Variants in HTR7 observed in about 807,000 individuals in gnomAD.
The protein encoded by HTR7 is 5-hydroxytryptamine receptor 7.
Under a neutral mutation model 34.0 loss-of-function variants are expected in HTR7, and 16 were observed. That is an observed-to-expected ratio of 0.47 (90% CI 0.32 to 0.71). The LOEUF is 0.71. Among genes scored for constraint, HTR7 ranks in the 30% least tolerant of loss-of-function variants. The pLI is 0.04. For missense variants in HTR7, 504 were observed against 625.5 expected (o/e 0.81, Z 2.07); for synonymous variants, 265 against 260.2 (o/e 1.02, Z -0.18).
chr10:90,778,071 A>G (rs777067330), intron 1 of HTR7, among the ~76,000 whole-genome samples: 3 of 152,204 alleles, frequency 2.0e-5, no homozygotes, highest in Non-Finnish European at 4.4e-5. Context: ...TCCAAAGGAC[A>G]AGGATGTTGA....
intron 1 of HTR7, among the ~76,000 whole-genome samples, chr10:90,787,991 C>T (rs778177913): frequency 5.3e-5 from 8 of 152,036 alleles, no homozygotes; most frequent in Non-Finnish European, 4.4e-5. Context: ...CCTGTAGGGT[C>T]CGGTTCGTAA....
At chr10:90,844,841 T>G (rs1011813180) in intron 1 of HTR7, among the ~76,000 whole-genome samples, 3 of 147,832 alleles carry the variant, frequency 2.0e-5, no homozygotes, top group Admixed American at 6.8e-5. Flanking sequence ...TATACTGATG[T>G]GACGCCCAGG....
chr10:90,824,187 C>G (rs1367509454), intron 1 of HTR7, among the ~76,000 whole-genome samples: 1 of 152,228 alleles, frequency 6.6e-6, no homozygotes, highest in Admixed American at 6.5e-5. Flanking sequence ...AGCTGAGCCA[C>G]AACAGGATAG....
intron 1 of HTR7, among the ~76,000 whole-genome samples, chr10:90,810,572 A>G (rs1376350075): frequency 1.3e-5 from 2 of 152,212 alleles, no homozygotes; most frequent in Admixed American, 6.5e-5. Context: ...TCTGTGCCTT[A>G]TCAACCAAAT....
intron 1 of HTR7, among the ~76,000 whole-genome samples, chr10:90,784,294 T>G (rs1303802176): frequency 6.6e-6 from 1 of 152,198 alleles, no homozygotes; most frequent in Non-Finnish European, 1.5e-5. Context: ...TCTCTGAAGC[T>G]CAAGTATTGG....
chr10:90,754,670 T>C (rs1844805523), intron 1 of HTR7, among the ~76,000 whole-genome samples: 1 of 152,202 alleles, frequency 6.6e-6, no homozygotes, highest in Non-Finnish European at 1.5e-5. Context: ...TAGGGAGTTA[T>C]AATCTGCATA....
chr10:90,792,400 A>G (rs965812934), intron 1 of HTR7, among the ~76,000 whole-genome samples: 38 of 151,974 alleles, frequency 2.5e-4, no homozygotes, highest in Admixed American at 1.3e-4. Context: ...TTTTGGCTGC[A>G]GCTATACCAG....
At chr10:90,838,453 G>A (rs2120079191) in intron 1 of HTR7, among the ~76,000 whole-genome samples, 1 of 152,222 alleles carries the variant, frequency 6.6e-6, no homozygotes, top group Admixed American at 6.5e-5. Context: ...GACTAACGTA[G>A]AAGCCTTCCC....
chr10:90,828,224 A>G (rs1234107108), intron 1 of HTR7, among the ~76,000 whole-genome samples: 1 of 152,220 alleles, frequency 6.6e-6, no homozygotes, highest in Non-Finnish European at 1.5e-5. Flanking sequence ...GTAATAAGAG[A>G]GAAGTTTATA....
rs1455093164 is a variant in HTR7 at position 90,809,400 on chromosome 10, T to G, written c.539+47733A>C. On this transcript the variant is annotated intron_variant, in intron 1 of 3. Coordinates refer to ENST00000336152, the MANE Select transcript of HTR7 (RefSeq NM_019859.4). ...ACTCGTTTGGCAGCAACCCTGAGAC[T>G]CTTTACAGCCCTAGACCCTAAAACA... Among the ~76,000 whole-genome samples, 5 of 152,194 alleles carry G rather than the reference T, an allele frequency of 3.3e-5. No individual in the cohort carries two copies. The South Asian group carries it at 1.0e-3, about 32-fold the overall frequency.
chr10:90,774,998 A>T (rs7091039), intron 1 of HTR7, among the ~76,000 whole-genome samples: 35,042 of 152,154 alleles, frequency 0.23, 4,282 homozygotes, highest in African/African-American at 0.31. Flanking sequence ...GACTGCCTAA[A>T]GAAAATAAAG....
chr10:90,819,262 T>C (rs907063436), intron 1 of HTR7, among the ~76,000 whole-genome samples: 3 of 152,222 alleles, frequency 2.0e-5, no homozygotes, highest in Non-Finnish European at 4.4e-5. Flanking sequence ...TACTTATCTA[T>C]ACCCACTTAC....
intron 1 of HTR7, among the ~76,000 whole-genome samples, chr10:90,822,738 TG>T (rs1325013238): frequency 7.9e-5 from 12 of 152,164 alleles, no homozygotes; most frequent in Admixed American, 7.9e-4. Context: ...GCCTGGAGGC[TG>T]GGAGGGAAGA....
At chr10:90,795,933 G>A (rs890950097) in intron 1 of HTR7, among the ~76,000 whole-genome samples, 67 of 152,258 alleles carry the variant, frequency 4.4e-4, no homozygotes, top group African/African-American at 1.4e-3. Context: ...AGAAAGGAAC[G>A]TCTGGGTTAT....
At chr10:90,763,580 T>C (rs952632508) in intron 1 of HTR7, among the ~76,000 whole-genome samples, 1 of 152,136 alleles carries the variant, frequency 6.6e-6, no homozygotes, top group African/African-American at 2.4e-5. Context: ...AAGGCCCACA[T>C]GCATTAGGTA....
At chr10:90,781,921 C>G (rs1223591720) in intron 1 of HTR7, among the ~76,000 whole-genome samples, 1 of 152,200 alleles carries the variant, frequency 6.6e-6, no homozygotes, top group African/African-American at 2.4e-5. Context: ...AAGCCCCCAG[C>G]CTTTCTTCCT....
chr10:90,788,654 C>A, intron 1 of HTR7, among the ~76,000 whole-genome samples: 1 of 152,166 alleles, frequency 6.6e-6, no homozygotes, highest in Non-Finnish European at 1.5e-5. Context: ...AACAATGGCT[C>A]TACCTATACT....
chr10:90,777,125 C>T (rs940834164), intron 1 of HTR7, among the ~76,000 whole-genome samples: 3 of 152,148 alleles, frequency 2.0e-5, no homozygotes, highest in Admixed American at 1.3e-4. Flanking sequence ...ATACTGTCAA[C>T]GACCCAAAGG....
intron 1 of HTR7, among the ~76,000 whole-genome samples, chr10:90,817,785 A>G (rs1009576096): frequency 6.6e-6 from 1 of 152,208 alleles, no homozygotes; most frequent in African/African-American, 2.4e-5. Flanking sequence ...TCATAATATA[A>G]CTAGTCATAA....
Sources: allele counts gnomAD v4.1 joint callset (sites outside exome capture counted in the v4.1 genomes callset), GRCh38; gene constraint gnomAD v4.1.1; transcripts MANE v1.5; gene names NCBI Gene and HGNC (gene_info 2026-07-23, HGNC 2026-07-21).